CNTN1: variants seen among roughly 807,000 people sequenced by gnomAD.
CNTN1 encodes contactin 1.
CNTN1 carries 38 observed loss-of-function variants against 126.4 expected under a neutral mutation model. The observed-to-expected ratio is 0.30, with a 90% confidence interval of 0.23 to 0.39. The LOEUF is 0.39. CNTN1 is among the 10% of genes least tolerant of loss of function. CNTN1 has a pLI of 1.00. For missense variants in CNTN1, 1,009 were observed against 1,248.4 expected, an observed-to-expected ratio of 0.81 and a Z score of 2.89; for synonymous variants, 413 against 422.6, an observed-to-expected ratio of 0.98 and a Z score of 0.28.
At chr12:41,027,730 G>A in intron 21 of CNTN1, 127 bp from the exon 22 acceptor site, 1 of 717,722 alleles carries the variant, frequency 1.4e-6, no homozygotes. Context: ...CTGGCATATA[G>A]TAAACACTTA....
intron 1 of CNTN1, among the ~76,000 whole-genome samples, chr12:40,788,543 A>G (rs1308804624): frequency 6.6e-6 from 1 of 152,088 alleles, no homozygotes; most frequent in Admixed American, 6.6e-5. Flanking sequence ...AGTCAAGAAC[A>G]GAAAGACTTC....
chr12:40,933,509 T>C lies in CNTN1; in HGVS notation c.752T>C (p.Val251Ala), dbSNP rs757218571. Residue 251 changes from valine (V) to alanine (A), a missense_variant, in exon 8 of 24, where the codon GTA becomes GCA. Coordinates refer to ENST00000551295, the MANE Select transcript of CNTN1 (RefSeq NM_001843.4). ...PADIVVQFKDVYALMGQNVTL... is the reference protein window; with the variant it reads ...PADIVVQFKDAYALMGQNVTL... ...GATATTGTAGTTCAGTTCAAGGATG[T>C]ATATGCATTGATGGGCCAAAATGTG... The C allele has an allele frequency of 6.2e-7, 1 of 1,612,088 alleles. No homozygotes were observed. Among genetic ancestry groups the C allele is most frequent in the Non-Finnish European group, 8.5e-7 (1 of 1,178,612 alleles).
intron 1 of CNTN1, among the ~76,000 whole-genome samples, chr12:40,718,825 A>G (rs998766298): frequency 6.6e-6 from 1 of 151,718 alleles, no homozygotes; most frequent in Non-Finnish European, 1.5e-5. Context: ...ACTTTCTCTC[A>G]CCCTACTGTT....
At chr12:40,849,361 A>G (rs1428686039) in intron 1 of CNTN1, among the ~76,000 whole-genome samples, 1 of 152,164 alleles carries the variant, frequency 6.6e-6, no homozygotes, top group Non-Finnish European at 1.5e-5. Context: ...AAAGTTAGTC[A>G]TTCAGGGAAA....
At chr12:41,018,524 C>T (rs1458760677) in intron 19 of CNTN1, among the ~76,000 whole-genome samples, 1 of 151,640 alleles carries the variant, frequency 6.6e-6, no homozygotes, top group Non-Finnish European at 1.5e-5. Context: ...TGTCATAATA[C>T]CATGTCATAT....
rs1195107055 is a variant in CNTN1, at chr12:40,887,317, G to GA, written c.-76-21033dup. The stretch of plus-strand genomic sequence containing the variant: ...TAAGTTGGATTCCTAGAATTTACAA[G>GA]AAAAAAACAAAAAACCCCATCAAAA... On this transcript the variant is annotated intron_variant, in intron 1 of 23. Coordinates refer to ENST00000551295, the MANE Select transcript of CNTN1 (RefSeq NM_001843.4). Among the ~76,000 whole-genome samples the GA allele has an allele frequency of 7.2e-5, 11 of 151,766 alleles. No homozygotes were observed. In the East Asian group the frequency reaches 2.1e-3, roughly 29 times the overall value.
At chr12:40,952,826 G>C (rs543532059) in intron 14 of CNTN1, among the ~76,000 whole-genome samples, 1 of 151,922 alleles carries the variant, frequency 6.6e-6, no homozygotes, top group Non-Finnish European at 1.5e-5. Context: ...AAGAAGAAAC[G>C]TTTTATTATT....
Position 41,070,215 on chromosome 12 carries a change from C to T in CNTN1, c.*180C>T, listed in dbSNP as rs925679905. The T allele has an allele frequency of 1.6e-6, 1 of 641,920 alleles. No individual in the cohort carries two copies. The highest frequency in any genetic ancestry group is 2.5e-5 in the Admixed American group (1 of 40,730). 39.8% of individuals were successfully genotyped at this position (641,920 alleles called of 1,614,324 possible). On this transcript the variant is annotated 3_prime_UTR_variant, in exon 24 of 24. Coordinates refer to ENST00000551295, the MANE Select transcript of CNTN1 (RefSeq NM_001843.4). ...CTGAGGCATTCGGGAACCCCTTCAT[C>T]CAAAAGAATAAACTTTTAAATGGAT...
intron 23 of CNTN1, among the ~76,000 whole-genome samples, chr12:41,042,639 G>GA (rs1566202581): frequency 6.6e-6 from 1 of 151,976 alleles, no homozygotes; most frequent in Non-Finnish European, 1.5e-5. Context: ...CACAGAATTG[G>GA]AAAAAACTAC....
chr12:40,803,384 T>G (rs1274682739), intron 1 of CNTN1, among the ~76,000 whole-genome samples: 1 of 152,040 alleles, frequency 6.6e-6, no homozygotes, highest in East Asian at 1.9e-4. Flanking sequence ...ATCAGTGATT[T>G]CACCATTCTT....
Position 40,881,006 on chromosome 12 carries a change from C to T in CNTN1, c.-76-27351C>T, listed in dbSNP as rs183996042. Among the ~76,000 whole-genome samples the T allele has an allele frequency of 9.9e-5, 15 of 152,006 alleles. No individual in the cohort carries two copies. In the East Asian group the frequency reaches 2.3e-3, roughly 23 times the overall value. On this transcript the variant is annotated intron_variant, in intron 1 of 23. Transcript: ENST00000551295. Reference sequence around the variant, plus strand: ...AACGATGGAATTACACAGATTTACCCGTAGTAGACTACAAACCTATCTTTC... The same window carrying T: ...AACGATGGAATTACACAGATTTACCTGTAGTAGACTACAAACCTATCTTTC...
Position 40,767,370 on chromosome 12 carries a change from A to G in CNTN1, c.-77+74778A>G, listed in dbSNP as rs572328916. On this transcript the variant is annotated intron_variant, in intron 1 of 23. Coordinates refer to ENST00000551295, the MANE Select transcript of CNTN1 (RefSeq NM_001843.4). ...GTCGCCCAGGCTGGAGTGCAGTGGC[A>G]CGATCTCGGCTCACTGCAAGCTCTG... is the stretch of plus-strand genomic sequence containing the variant. 5.9e-3 allele frequency among the ~76,000 whole-genome samples: 702 copies of G among 119,194 alleles called. 4 individuals carry two copies. Among genetic ancestry groups the G allele is most frequent in the Middle Eastern group, 0.024 (3 of 126 alleles). The allele number at this position is 119,194 out of a possible 152,430, so 78.2% of individuals were successfully genotyped here.
intron 1 of CNTN1, among the ~76,000 whole-genome samples, chr12:40,808,464 C>A (rs1940942344): frequency 6.6e-6 from 1 of 152,116 alleles, no homozygotes; most frequent in Non-Finnish European, 1.5e-5. Context: ...CACTATTATA[C>A]AGAATTTCCA....
chr12:41,068,421 T>C (rs1950094805), intron 23 of CNTN1, among the ~76,000 whole-genome samples: 1 of 152,122 alleles, frequency 6.6e-6, no homozygotes, highest in Admixed American at 6.6e-5. Context: ...CCCCTTGTTA[T>C]CTGCCCTCAC....
intron 15 of CNTN1, chr12:40,972,728 T>C: frequency 1.2e-6 from 1 of 867,388 alleles, no homozygotes; most frequent in Non-Finnish European, 1.4e-6. Flanking sequence ...TTGCCATTTT[T>C]GTAAGATGTT....
intron 1 of CNTN1, among the ~76,000 whole-genome samples, chr12:40,784,119 G>A (rs1178868688): frequency 6.6e-6 from 1 of 152,072 alleles, no homozygotes; most frequent in African/African-American, 2.4e-5. Context: ...TGACTGGGTG[G>A]TTCAGGACTA....
intron 15 of CNTN1, 110 bp from the exon 16 acceptor site, chr12:40,980,799 A>G: frequency 1.0e-6 from 1 of 1,000,922 alleles, no homozygotes; most frequent in Non-Finnish European, 1.6e-6. Flanking sequence ...CACTGATTAT[A>G]TTGGACAAAT....
chr12:40,812,039 G>A (rs888616351), intron 1 of CNTN1, among the ~76,000 whole-genome samples: 1 of 150,444 alleles, frequency 6.6e-6, no homozygotes, highest in Non-Finnish European at 1.5e-5. Flanking sequence ...TGCCATAACT[G>A]TCTCCTTAGA....
chr12:40,879,111 A>G (rs924113136), intron 1 of CNTN1, among the ~76,000 whole-genome samples: 12 of 152,206 alleles, frequency 7.9e-5, no homozygotes, highest in South Asian at 2.1e-4. Context: ...GAGTTGGCTC[A>G]TGTGCAAGAA....
Sources: allele counts gnomAD v4.1 joint callset (sites outside exome capture counted in the v4.1 genomes callset), GRCh38; gene constraint gnomAD v4.1.1; transcripts MANE v1.5; gene names NCBI Gene and HGNC (gene_info 2026-07-23, HGNC 2026-07-21).